The following UBE2F variants were observed in gnomAD, a reference collection of about 807,000 sequenced individuals.
The protein encoded by UBE2F is NEDD8-conjugating enzyme UBE2F.
Under a neutral mutation model 29.6 loss-of-function variants are expected in UBE2F, and 5 were observed. That is an observed-to-expected ratio of 0.17 (90% CI 0.09 to 0.36). UBE2F has a LOEUF of 0.36. UBE2F is among the 10% of genes least tolerant of loss of function. UBE2F has a pLI of 1.00. For missense variants in UBE2F, 141 were observed against 228.5 expected (o/e 0.62, Z 2.47); for synonymous variants, 66 against 81.8 (o/e 0.81, Z 1.04).
intron 6 of UBE2F, among the ~76,000 whole-genome samples, chr2:238,028,787 A>G (rs1390892622): frequency 6.6e-6 from 1 of 152,188 alleles, no homozygotes; most frequent in African/African-American, 2.4e-5. Context: ...AACATGCTCT[A>G]ATTCAAAAAA....
chr2:237,974,762 G>A (rs573922809), intron 2 of UBE2F, among the ~76,000 whole-genome samples: 9 of 152,154 alleles, frequency 5.9e-5, no homozygotes, highest in South Asian at 4.1e-4. Context: ...TGATCCGCCC[G>A]CCTCGGCCTC....
chr2:238,026,167 G>A (rs2064423416), intron 6 of UBE2F, among the ~76,000 whole-genome samples: 1 of 152,202 alleles, frequency 6.6e-6, no homozygotes, highest in South Asian at 2.1e-4. Context: ...CCCCACCCCT[G>A]CCCGGCTGCC....
At chr2:238,016,535 T>A (rs1347052863) in intron 4 of UBE2F, 31 bp from the exon 5 acceptor site, 21 of 1,577,180 alleles carry the variant, frequency 1.3e-5, no homozygotes, top group Non-Finnish European at 1.8e-5. Flanking sequence ...ATTTAAAGGA[T>A]TTTTTTGTTT....
chr2:237,984,242 A>G (rs1415393867), intron 2 of UBE2F, among the ~76,000 whole-genome samples: 1 of 152,180 alleles, frequency 6.6e-6, no homozygotes, highest in African/African-American at 2.4e-5. Context: ...TGCCTTTGCC[A>G]GGTGCTTGCT....
chr2:238,030,473 G>GCAGTC (rs1371470556), intron 6 of UBE2F, 83 bp from the exon 7 acceptor site: 11 of 923,214 alleles, frequency 1.2e-5, no homozygotes, highest in Non-Finnish European at 1.9e-5. Flanking sequence ...CTCCTGCATG[G>GCAGTC]CACACACCGA....
At chr2:238,032,302 C>T (rs748598633) in intron 8 of UBE2F, 48 bp downstream of exon 8, 4 of 1,516,438 alleles carry the variant, frequency 2.6e-6, no homozygotes, top group Middle Eastern at 3.6e-4. Flanking sequence ...TTCCTTGTTG[C>T]TGGTTTTAGA....
intron 4 of UBE2F, among the ~76,000 whole-genome samples, chr2:238,005,363 A>AT (rs2106368256): frequency 6.6e-6 from 1 of 151,966 alleles, no homozygotes; most frequent in East Asian, 1.9e-4. Context: ...CACCTGGCTG[A>AT]TTTTTGTATT....
chr2:237,991,601 C>CTTTTTTTT (rs796466552), intron 3 of UBE2F, among the ~76,000 whole-genome samples: 10 of 30,750 alleles, frequency 3.3e-4, no homozygotes, highest in Admixed American at 6.9e-4. Flanking sequence ...CTTTTCTTTT[C>CTTTTTTTT]TTTCTTTCTT....
chr2:238,030,512 C>G (rs1559227490), intron 6 of UBE2F, 44 bp from the exon 7 acceptor site: 1 of 1,496,406 alleles, frequency 6.7e-7, no homozygotes, highest in Non-Finnish European at 9.3e-7. Flanking sequence ...TGCAGGGCAC[C>G]TGTGGCTGCT....
intron 5 of UBE2F, among the ~76,000 whole-genome samples, chr2:238,023,947 G>A (rs1189137892): frequency 1.3e-5 from 2 of 152,162 alleles, no homozygotes; most frequent in African/African-American, 2.4e-5. Flanking sequence ...CATTGATAGA[G>A]CAGGGTTGGG....
intron 3 of UBE2F, among the ~76,000 whole-genome samples, chr2:237,989,613 A>G (rs1191990714): frequency 6.6e-6 from 1 of 152,032 alleles, no homozygotes; most frequent in East Asian, 2.0e-4. Context: ...TCAGCCTCCC[A>G]AAGTGCTGGG....
chr2:238,040,116 G>A lies in UBE2F; in HGVS notation c.508-1172G>A, dbSNP rs78236877. ...AGAGCACTCCACTTTCTCACCCTGA[G>A]ACCAGAGCAAGTCATGGGACCGTAT... is the stretch of plus-strand genomic sequence containing the variant. On this transcript the variant is annotated intron_variant, in intron 9 of 9. Coordinates refer to ENST00000272930, the MANE Select transcript of UBE2F (RefSeq NM_080678.3). The surrounding 1 kb of genome is among the most constrained non-coding windows in gnomAD (Gnocchi z 4.4). 3.5e-3 allele frequency among the ~76,000 whole-genome samples: 531 copies of A among 152,282 alleles called. 3 individuals carry two copies. Among genetic ancestry groups the A allele is most frequent in the African/African-American group, 0.012 (498 of 41,556 alleles).
In UBE2F at chr2:238,025,462, A is replaced by AAC. The variant is rs745307836; in HGVS notation, c.353+50_353+51insAC. On this transcript the variant is annotated intron_variant, in intron 6 of 9. Coordinates refer to ENST00000272930, the MANE Select transcript of UBE2F (RefSeq NM_080678.3). ...TCTACATTCGTGAGTGTCATGTGCA[A>AAC]GCGTTGGGCTTTTAAACATGTTGTC... is the stretch of plus-strand genomic sequence containing the variant. The AAC allele has an allele frequency of 1.4e-5, 21 of 1,509,108 alleles. No individual in the cohort carries two copies. The South Asian group carries it at 2.4e-4, about 17-fold the overall frequency. The allele number at this position is 1,509,108 out of a possible 1,614,324, so 93.5% of individuals were successfully genotyped here.
At chr2:237,977,497 G>A (rs2063305363) in intron 2 of UBE2F, among the ~76,000 whole-genome samples, 2 of 152,224 alleles carry the variant, frequency 1.3e-5, no homozygotes, top group African/African-American at 4.8e-5. Context: ...GAGAGAGGTG[G>A]CTGTACACAC....
At chr2:238,008,470 G>C (rs1167064166) in intron 4 of UBE2F, among the ~76,000 whole-genome samples, 3 of 152,098 alleles carry the variant, frequency 2.0e-5, no homozygotes, top group Non-Finnish European at 4.4e-5. Flanking sequence ...AATGTTCTTA[G>C]TATCATCTTA....
intron 9 of UBE2F, among the ~76,000 whole-genome samples, chr2:238,036,240 G>C (rs2064705037): frequency 6.6e-6 from 1 of 152,082 alleles, no homozygotes; most frequent in Admixed American, 6.6e-5. Flanking sequence ...TGTTGCAGTA[G>C]TGGCTCACTG....
At chr2:238,032,508 G>A in intron 8 of UBE2F, 1 of 388,168 alleles carries the variant, frequency 2.6e-6, no homozygotes, top group Non-Finnish European at 4.7e-6. Context: ...CCAGCTGCTT[G>A]GAAGGCTGAG....
intron 8 of UBE2F, chr2:238,035,071 T>G (rs555753814): frequency 1.3e-5 from 2 of 152,390 alleles, no homozygotes; most frequent in African/African-American, 4.8e-5. Flanking sequence ...TTCGTATTTT[T>G]GGTAGAGACG....
chr2:238,001,121 G>A (rs1267341523), intron 4 of UBE2F, among the ~76,000 whole-genome samples: 4 of 136,072 alleles, frequency 2.9e-5, no homozygotes, highest in Non-Finnish European at 4.6e-5. Context: ...CGCAACCTCC[G>A]CTTCCTGGTT....
Sources: allele counts gnomAD v4.1 joint callset (sites outside exome capture counted in the v4.1 genomes callset), GRCh38; gene constraint gnomAD v4.1.1; non-coding constraint Gnocchi (gnomAD v3.1); transcripts MANE v1.5; gene names NCBI Gene and HGNC (gene_info 2026-07-23, HGNC 2026-07-21).